Variants in GRIN2B observed in about 807,000 individuals in gnomAD.
The protein encoded by GRIN2B is glutamate receptor ionotropic, NMDA 2B.
Under a neutral mutation model 114.5 loss-of-function variants are expected in GRIN2B, and 5 were observed. That is an observed-to-expected ratio of 0.04 (90% confidence interval 0.02 to 0.09). The LOEUF (loss-of-function observed/expected upper bound fraction) is 0.09, where lower values mean the gene tolerates loss of function less well. GRIN2B is among the 10% of genes least tolerant of loss of function. The pLI is 1.00. For synonymous variants in GRIN2B, 787 were observed against 745.1 expected (o/e 1.06, Z -0.92); for missense variants, 1,108 against 1,943.5 (o/e 0.57, Z 8.08).
At position 13,611,575 on chromosome 12, in the gene GRIN2B, G is replaced by A. The variant is rs559343440; in HGVS notation, c.1780+150C>T. 2.8e-4 allele frequency: 231 copies of A among 821,800 alleles called. 1 individual carries two copies. In the African/African-American group the frequency reaches 3.0e-3, roughly 11 times the overall value. The allele number at this position is 821,800 out of a possible 1,614,324, so 50.9% of individuals were successfully genotyped here. A position where few individuals can be genotyped will look rare whatever the true frequency, so the allele number is the denominator to read the frequency against. ...TTAACTGGGGTATTTCTAAAGAGAC[G>A]CCAAGCTGGTGACTTAGAAATGTTC... On this transcript the variant is annotated intron_variant, in intron 9 of 13. Coordinates refer to ENST00000609686, the MANE Select transcript of GRIN2B (RefSeq NM_000834.5).
chr12:13,802,696 T>C (rs559247491), intron 3 of GRIN2B, among the ~76,000 whole-genome samples: 1 of 152,304 alleles, frequency 6.6e-6, no homozygotes, highest in Admixed American at 6.5e-5. Flanking sequence ...TTTACATAAA[T>C]AGAAAAGGAC....
At chr12:13,956,308 A>G (rs1437264558) in intron 2 of GRIN2B, among the ~76,000 whole-genome samples, 1 of 152,230 alleles carries the variant, frequency 6.6e-6, no homozygotes, top group Non-Finnish European at 1.5e-5. Flanking sequence ...GAGGAAAACA[A>G]GGACTTCATT....
intron 4 of GRIN2B, among the ~76,000 whole-genome samples, chr12:13,741,421 A>G (rs1480011703): frequency 6.6e-6 from 1 of 152,234 alleles, no homozygotes; most frequent in East Asian, 1.9e-4. Context: ...CAACCTCTTT[A>G]GCAAAGGACA....
At chr12:13,931,410 T>C (rs931194005) in intron 2 of GRIN2B, among the ~76,000 whole-genome samples, 2 of 152,224 alleles carry the variant, frequency 1.3e-5, no homozygotes, top group East Asian at 3.9e-4. Flanking sequence ...TCCTGGTTTC[T>C]TCCTACTTCA....
At chr12:13,634,728 TG>T (rs1041835624) in intron 5 of GRIN2B, among the ~76,000 whole-genome samples, 3 of 152,320 alleles carry the variant, frequency 2.0e-5, no homozygotes, top group African/African-American at 7.2e-5. Flanking sequence ...TCTGCCATAC[TG>T]GGCATGGTTG....
intron 5 of GRIN2B, among the ~76,000 whole-genome samples, chr12:13,642,224 G>A (rs7975387): frequency 0.072 from 10,081 of 139,968 alleles, 506 homozygotes; most frequent in African/African-American, 0.16. Flanking sequence ...AAACAAACAA[G>A]CTAGCTAACT....
chr12:13,850,657 G>A (rs1484109732), intron 3 of GRIN2B, among the ~76,000 whole-genome samples: 2 of 152,134 alleles, frequency 1.3e-5, no homozygotes, highest in Non-Finnish European at 2.9e-5. Flanking sequence ...GGTCAACTGG[G>A]AAAGGGAGGA....
At chr12:13,591,815 C>A in intron 10 of GRIN2B, among the ~76,000 whole-genome samples, 1 of 152,066 alleles carries the variant, frequency 6.6e-6, no homozygotes, top group East Asian at 1.9e-4. Context: ...AGGCAGACTC[C>A]AACCTATGAA....
intron 3 of GRIN2B, among the ~76,000 whole-genome samples, chr12:13,864,904 G>A (rs926806848): frequency 6.6e-6 from 1 of 152,168 alleles, no homozygotes; most frequent in African/African-American, 2.4e-5. Flanking sequence ...GGCATCAGCA[G>A]TGTTGAAAGC....
intron 5 of GRIN2B, among the ~76,000 whole-genome samples, chr12:13,623,391 G>A (rs568671912): frequency 6.6e-6 from 1 of 152,312 alleles, no homozygotes; most frequent in South Asian, 2.1e-4. Flanking sequence ...ACAACAGTTT[G>A]CAACAATTGA....
At chr12:13,711,460 A>C (rs181634674) in intron 4 of GRIN2B, among the ~76,000 whole-genome samples, 18,498 of 152,096 alleles carry the variant, frequency 0.12, 1,533 homozygotes, top group East Asian at 0.3. Flanking sequence ...AATGGGAGAA[A>C]ATTTTTGCAA....
At position 13,541,726 on chromosome 12, in the gene GRIN2B, A is replaced by C. The variant is rs1317658668; in HGVS notation, c.*21057T>G. On this transcript the variant is annotated 3_prime_UTR_variant, in exon 14 of 14. Coordinates refer to ENST00000609686, the MANE Select transcript of GRIN2B (RefSeq NM_000834.5). ...TAGTGGACAGAGAGGCTGAACCAGC[A>C]GCAGCAGTAGTTGTGATCTCATTCA... 3.3e-5 allele frequency: 5 copies of C among 152,244 alleles called. No individual in the cohort carries two copies. The East Asian group carries it at 9.6e-4, about 29-fold the overall frequency. The allele number at this position is 152,244 out of a possible 1,614,324, so 9.4% of individuals were successfully genotyped here.
chr12:13,811,855 G>A (rs987875194), intron 3 of GRIN2B, among the ~76,000 whole-genome samples: 2 of 152,190 alleles, frequency 1.3e-5, no homozygotes, highest in South Asian at 2.1e-4. Context: ...ATAAGGAATG[G>A]AGGAGACATT....
At chr12:13,815,750 G>A (rs190205917) in intron 3 of GRIN2B, among the ~76,000 whole-genome samples, 46 of 152,268 alleles carry the variant, frequency 3.0e-4, no homozygotes, top group Middle Eastern at 3.4e-3. Flanking sequence ...GAAGTGAAAA[G>A]GTGGGGTTAA....
chr12:13,617,041 G>C (rs547171937), intron 5 of GRIN2B, among the ~76,000 whole-genome samples: 1 of 152,128 alleles, frequency 6.6e-6, no homozygotes, highest in African/African-American at 2.4e-5. Flanking sequence ...TGGAGTTCCC[G>C]CATTATGTGT....
At chr12:13,927,667 G>T (rs1163304524) in intron 2 of GRIN2B, among the ~76,000 whole-genome samples, 1 of 151,840 alleles carries the variant, frequency 6.6e-6, no homozygotes, top group Non-Finnish European at 1.5e-5. Context: ...TAACAGAGAG[G>T]GTGCAGCCAT....
In GRIN2B at chr12:13,763,650, C is replaced by A. The variant is rs534862550; in HGVS notation, c.412-9735G>T. Among the ~76,000 whole-genome samples the A allele has an allele frequency of 3.3e-5, 5 of 152,254 alleles. No individual in the cohort carries two copies. The South Asian group carries it at 1.0e-3, about 32-fold the overall frequency. ...CATTACTTTGTCAAACTCCTGCACACCCACACTAGCCTGAATCCCACCAAG... is the reference window on the plus strand; with the variant it reads ...CATTACTTTGTCAAACTCCTGCACAACCACACTAGCCTGAATCCCACCAAG... On this transcript the variant is annotated intron_variant, in intron 3 of 13. Coordinates refer to ENST00000609686, the MANE Select transcript of GRIN2B (RefSeq NM_000834.5).
intron 2 of GRIN2B, among the ~76,000 whole-genome samples, chr12:13,931,735 G>A (rs1279309965): frequency 2.6e-5 from 4 of 152,170 alleles, no homozygotes; most frequent in Non-Finnish European, 5.9e-5. Context: ...CCGTATCTCA[G>A]TTAATACCAA....
At chr12:13,641,808 A>T (rs1243423601) in intron 5 of GRIN2B, among the ~76,000 whole-genome samples, 1 of 152,170 alleles carries the variant, frequency 6.6e-6, no homozygotes, top group Non-Finnish European at 1.5e-5. Flanking sequence ...ATCTGGAATT[A>T]CTTGGCTAGA....
Sources: gnomAD v4.1 joint callset for allele counts (sites outside exome capture counted in the v4.1 genomes callset) on GRCh38, gnomAD v4.1.1 for gene constraint, MANE v1.5 for transcripts, NCBI Gene and HGNC (gene_info 2026-07-23, HGNC 2026-07-21) for gene names.